MUC17: variants seen among roughly 807,000 people sequenced by gnomAD.
MUC17 encodes the protein mucin-17.
A neutral mutation model predicts 170.3 loss-of-function variants in MUC17; 190 were observed. The ratio of observed to expected loss-of-function variants is 1.12; its 90% CI spans 0.99 to 1.26. The LOEUF (loss-of-function observed/expected upper bound fraction) is 1.26. Among genes scored for constraint, MUC17 ranks in the 50% most tolerant of loss-of-function variants. MUC17 has a pLI of 0.00. For missense variants in MUC17, 6,415 were observed against 5,530.0 expected (o/e 1.16, Z -5.08); for synonymous variants, 2,325 against 2,002.5 (o/e 1.16, Z -4.30).
rs752878563 is a variant in MUC17, at chr7:101,032,821, G to T, written c.1405G>T (p.Ala469Ser). The change falls in exon 3 of 13, where the codon GCT (alanine) becomes TCT (serine). Residue 469 changes from alanine (A) to serine (S), a missense_variant. Ala to Ser is a moderately conservative substitution (Grantham distance 99). Transcript: ENST00000306151. Reference protein sequence around the residue: ...VSTTPVASSEASNLSTTPVDS... With the variant: ...VSTTPVASSESSNLSTTPVDS... Reference sequence around the variant, plus strand: ...CACCACTCCAGTGGCCAGTTCTGAGGCTAGCAACCTTTCAACAACTCCTGT... The same window carrying T: ...CACCACTCCAGTGGCCAGTTCTGAGTCTAGCAACCTTTCAACAACTCCTGT... The T allele has an allele frequency of 3.7e-6, 6 of 1,613,850 alleles. No individual in the cohort carries two copies. Among genetic ancestry groups the T allele is most frequent in the Non-Finnish European group, 5.1e-6 (6 of 1,179,960 alleles).
rs779747138 is a variant in MUC17, at chr7:101,035,422, A to T, written c.4006A>T (p.Arg1336Ter). The T allele has an allele frequency of 1.9e-6, 3 of 1,603,570 alleles. No individual in the cohort carries two copies. In the Admixed American group the frequency reaches 5.0e-5, roughly 27 times the overall value. The change falls in exon 3 of 13, where the codon AGA becomes TGA. Residue 1336 changes from arginine (R) to a stop codon, truncating the protein, a stop_gained. Transcript: ENST00000306151. LOFTEE classifies it high-confidence loss of function. The part of the protein sequence containing the change: ...SMPTSTYSEG[R>*]TPLTSIPVNT... ...GCCAACCTCAACTTATAGTGAAGGAAGAACTCCTTTAACAAGTATACCTGT... is the reference window on the plus strand; with the variant it reads ...GCCAACCTCAACTTATAGTGAAGGATGAACTCCTTTAACAAGTATACCTGT...
At chr7:101,050,421 G>T in intron 6 of MUC17, 63 bp from the exon 7 acceptor site, 2 of 1,563,364 alleles carry the variant, frequency 1.3e-6, no homozygotes, top group Non-Finnish European at 1.7e-6. Flanking sequence ...AAGCTTGCCT[G>T]GTACAGATTC....
intron 1 of MUC17, among the ~76,000 whole-genome samples, chr7:101,022,294 G>A (rs913620890): frequency 6.6e-6 from 1 of 151,964 alleles, no homozygotes; most frequent in African/African-American, 2.4e-5. Flanking sequence ...AGCCTCCCGA[G>A]TAGCTGGGAT....
chr7:101,041,870 C>T lies in MUC17; in HGVS notation c.10454C>T (p.Thr3485Ile), dbSNP rs762595959. ...ACCCTTTCAACAACTCCTGTTGACA[C>T]CAGCACACCTGTGACCACTTCTTCT... is the stretch of plus-strand genomic sequence containing the variant. ...ASTLSTTPVD[T>I]STPVTTSSPT... Residue 3485 changes from threonine (T) to isoleucine (I), a missense_variant, in exon 3 of 13, where the codon ACC becomes ATC. Physicochemically the swap from Thr to Ile is moderately conservative, Grantham distance 89. Coordinates refer to ENST00000306151, the MANE Select transcript of MUC17 (RefSeq NM_001040105.2). 1.2e-6 allele frequency: 2 copies of T among 1,613,920 alleles called. No homozygotes were observed. Among genetic ancestry groups the T allele is most frequent in the Non-Finnish European group, 8.5e-7 (1 of 1,179,952 alleles).
At position 101,032,316 on chromosome 7, in the gene MUC17, T is replaced by C. The variant is rs1478504502; in HGVS notation, c.900T>C (p.Ala300=). 1.9e-6 allele frequency: 3 copies of C among 1,613,884 alleles called. No individual in the cohort carries two copies. The highest frequency in any genetic ancestry group is 2.5e-6 in the Non-Finnish European group (3 of 1,179,952). The change falls in exon 3 of 13, where the codon GCT becomes GCC. Residue 300 remains alanine (A), a synonymous_variant. Transcript: ENST00000306151. ...CTAGCACCCTTTCAACAACTCCTGC[T>C]GCCACCAACATTCCTGTGATCACTT... ...SEASTLSTTP[A]ATNIPVITST...
At chr7:101,025,004 G>A (rs573447429) in intron 1 of MUC17, among the ~76,000 whole-genome samples, 1 of 152,104 alleles carries the variant, frequency 6.6e-6, no homozygotes, top group East Asian at 1.9e-4. Context: ...CTGGGTAACA[G>A]ACGGAGACCA....
chr7:101,048,924 C>T lies in MUC17; in HGVS notation c.12615C>T (p.Asn4205=). ...TGAAGTTCACCGAAGAGCTAAAAAACCACTCTTCCCAGGAATTCCAGGAGT... is the reference window on the plus strand; with the variant it reads ...TGAAGTTCACCGAAGAGCTAAAAAATCACTCTTCCCAGGAATTCCAGGAGT... ...TSVKFTEELK[N]HSSQEFQEFK... is the part of the protein sequence containing the mutation. The change falls in exon 5 of 13, where the codon AAC becomes AAT. Residue 4205 remains asparagine, a synonymous_variant. Coordinates refer to ENST00000306151, the MANE Select transcript of MUC17 (RefSeq NM_001040105.2). 1 of 1,614,026 alleles carries T rather than the reference C, an allele frequency of 6.2e-7. No homozygotes were observed. Among genetic ancestry groups the T allele is most frequent in the Non-Finnish European group, 8.5e-7 (1 of 1,179,922 alleles).
At position 101,040,138 on chromosome 7, in the gene MUC17, T is replaced by A; in HGVS notation, c.8722T>A (p.Ser2908Thr). The A allele has an allele frequency of 6.2e-7, 1 of 1,612,570 alleles. No homozygotes were observed. Among genetic ancestry groups the A allele is most frequent in the Non-Finnish European group, 8.5e-7 (1 of 1,179,444 alleles). The change falls in exon 3 of 13, where the codon TCT becomes ACT. Residue 2908 changes from serine to threonine, a missense_variant. Ser to Thr is a moderately conservative substitution (Grantham distance 58, BLOSUM62 1). Transcript: ENST00000306151. ...IPVTTSTEGS[S>T]SPTTAEGTSM... ...TGTCACCACTTCTACTGAAGGCAGT[T>A]CTTCTCCTACAACTGCTGAAGGTAC...
chr7:101,027,296 T>C (rs1794198448), intron 1 of MUC17, among the ~76,000 whole-genome samples: 2 of 152,188 alleles, frequency 1.3e-5, no homozygotes, highest in African/African-American at 4.8e-5. Flanking sequence ...CCCTAATTTT[T>C]ATATTTTATA....
At chr7:101,056,974 G>A (rs753797565) in intron 12 of MUC17, among the ~76,000 whole-genome samples, 3 of 151,864 alleles carry the variant, frequency 2.0e-5, no homozygotes, top group South Asian at 2.1e-4. Flanking sequence ...GTCTAGGATG[G>A]TTGTCTTGAA....
Position 101,042,488 on chromosome 7 carries a change from A to T in MUC17, c.11072A>T (p.Glu3691Val), listed in dbSNP as rs775687853. ...ACCATGCCAATCTGGACGCCTAGTG[A>T]AGGAAGCACTCCATTAACAACTATG... ...GTTMPIWTPSEGSTPLTTMPV... is the reference protein window; with the variant it reads ...GTTMPIWTPSVGSTPLTTMPV... Residue 3691 changes from glutamate (E) to valine (V), a missense_variant, in exon 3 of 13, where the codon GAA becomes GTA. Glu to Val is a moderately radical substitution (Grantham distance 121). Transcript: ENST00000306151. 1.9e-6 allele frequency: 3 copies of T among 1,613,974 alleles called. No homozygotes were observed. Among genetic ancestry groups the T allele is most frequent in the South Asian group, 2.2e-5 (2 of 91,078 alleles).
At chr7:101,052,045 CT>C in intron 9 of MUC17, 83 bp downstream of exon 9, 1 of 1,499,572 alleles carries the variant, frequency 6.7e-7, no homozygotes, top group Non-Finnish European at 9.0e-7. Context: ...CAGGCATTGC[CT>C]GGAGACCAAG....
chr7:101,031,515 C>G, intron 2 of MUC17, 86 bp from the exon 3 acceptor site: 1 of 1,358,872 alleles, frequency 7.4e-7, no homozygotes, highest in Non-Finnish European at 9.8e-7. Flanking sequence ...AACACATTTT[C>G]AGTAAAAAGC....
At position 101,036,760 on chromosome 7, in the gene MUC17, A is replaced by G. The variant is rs1236001348; in HGVS notation, c.5344A>G (p.Thr1782Ala). Residue 1782 changes from threonine to alanine, a missense_variant, in exon 3 of 13, where the codon ACT becomes GCT. Thr to Ala is a moderately conservative substitution (Grantham distance 58). Transcript: ENST00000306151. ...TPIDTSTPVT[T>A]STEATSSPTT... ...TATTGACACCAGCACCCCTGTGACC[A>G]CTTCTACTGAAGCCACTTCGTCTCC... 6.2e-7 allele frequency: 1 copy of G among 1,612,406 alleles called. No homozygotes were observed.
rs780420356 is a variant in MUC17 at position 101,039,950 on chromosome 7, C to A, written c.8534C>A (p.Thr2845Asn). Residue 2845 changes from threonine to asparagine, a missense_variant, in exon 3 of 13, where the codon ACT becomes AAT. Transcript: ENST00000306151. ...VDTSTPVTTS[T>N]KASSSPTTAE... ...ACCAGCACACCTGTGACCACTTCTA[C>A]TAAAGCCAGTTCATCTCCTACAACT... The A allele has an allele frequency of 3.1e-6, 5 of 1,613,688 alleles. No individual in the cohort carries two copies. The highest frequency in any genetic ancestry group is 4.2e-6 in the Non-Finnish European group (5 of 1,179,836).
chr7:101,032,317 G>T lies in MUC17; in HGVS notation c.901G>T (p.Ala301Ser). Residue 301 changes from alanine to serine, a missense_variant, in exon 3 of 13, where the codon GCC (alanine) becomes TCC (serine). By Grantham distance (99) the Ala-to-Ser change is moderately conservative (BLOSUM62 1). Transcript: ENST00000306151. ...TAGCACCCTTTCAACAACTCCTGCT[G>T]CCACCAACATTCCTGTGATCACTTC... ...EASTLSTTPA[A>S]TNIPVITSTE... 1.9e-6 allele frequency: 3 copies of T among 1,613,876 alleles called. No individual in the cohort carries two copies. Among genetic ancestry groups the T allele is most frequent in the Non-Finnish European group, 1.7e-6 (2 of 1,179,924 alleles).
rs770856204 is a variant in MUC17, at chr7:101,042,730, A to G, written c.11314A>G (p.Ser3772Gly). 1.2e-6 allele frequency: 2 copies of G among 1,613,846 alleles called. No individual in the cohort carries two copies. The highest frequency in any genetic ancestry group is 1.7e-6 in the Non-Finnish European group (2 of 1,180,020). The change falls in exon 3 of 13, where the codon AGC becomes GGC. Residue 3772 changes from serine (S) to glycine (G), a missense_variant. By Grantham distance (56) the Ser-to-Gly change is moderately conservative. Coordinates refer to ENST00000306151, the MANE Select transcript of MUC17 (RefSeq NM_001040105.2). ...TTPVTRFPESSTPSIPSVYTS... is the reference protein window; with the variant it reads ...TTPVTRFPESGTPSIPSVYTS... ...ACCTGTTACGAGGTTTCCTGAGAGT[A>G]GCACCCCTTCCATACCATCTGTTTA...
chr7:101,057,573 T>A (rs1338435096), intron 12 of MUC17, among the ~76,000 whole-genome samples: 1 of 152,154 alleles, frequency 6.6e-6, no homozygotes, highest in Non-Finnish European at 1.5e-5. Context: ...TGAGACTCTG[T>A]TGCTATAAAA....
intron 1 of MUC17, among the ~76,000 whole-genome samples, chr7:101,025,794 C>CAAA (rs35636191): frequency 1.0e-5 from 1 of 96,262 alleles, no homozygotes. Flanking sequence ...ATCTCTCTCT[C>CAAA]AAAAAAAAAA....
Sources: gnomAD v4.1 joint callset for allele counts (sites outside exome capture counted in the v4.1 genomes callset) on GRCh38, gnomAD v4.1.1 for gene constraint, MANE v1.5 for transcripts, NCBI Gene and HGNC (gene_info 2026-07-23, HGNC 2026-07-21) for gene names.